DPP10: variants seen among roughly 807,000 people sequenced by gnomAD.
DPP10 encodes the protein inactive dipeptidyl peptidase 10.
Under a neutral mutation model 120.9 loss-of-function variants are expected in DPP10, and 33 were observed. The ratio of observed to expected loss-of-function variants is 0.27; its 90% CI spans 0.21 to 0.37. The LOEUF (loss-of-function observed/expected upper bound fraction) is 0.37. Ranked by LOEUF, DPP10 falls within the 10% of genes least tolerant of loss-of-function variation. The probability of loss-of-function intolerance (pLI) is 1.00; values close to 1 mark genes in which losing one functional copy is unlikely to be tolerated. For missense variants in DPP10, 816 were observed against 942.8 expected (o/e 0.87, Z 1.76); for synonymous variants, 337 against 326.1 (o/e 1.03, Z -0.36).
intron 1 of DPP10, among the ~76,000 whole-genome samples, chr2:114,568,206 G>C (rs991290229): frequency 6.6e-6 from 1 of 151,868 alleles, no homozygotes; most frequent in Non-Finnish European, 1.5e-5. Flanking sequence ...TATTTATGGG[G>C]GCACATGTGA....
intron 1 of DPP10, among the ~76,000 whole-genome samples, chr2:115,184,167 G>GGCCT (rs1445248166): frequency 6.6e-6 from 1 of 152,126 alleles, no homozygotes; most frequent in Non-Finnish European, 1.5e-5. Context: ...CACAAGGTAG[G>GGCCT]GCCTGATCCT....
At chr2:114,713,765 C>T (rs558444316) in intron 1 of DPP10, among the ~76,000 whole-genome samples, 11 of 151,944 alleles carry the variant, frequency 7.2e-5, no homozygotes, top group East Asian at 5.8e-4. Context: ...CAGAGGTGGG[C>T]GGATCACCTG....
intron 1 of DPP10, among the ~76,000 whole-genome samples, chr2:115,091,472 A>AGTTTTTTT (rs1416005511): frequency 6.6e-6 from 1 of 152,092 alleles, no homozygotes; most frequent in Non-Finnish European, 1.5e-5. Flanking sequence ...GTTTGAAGTT[A>AGTTTTTTT]GTTTTTTTGT....
rs187502396 is a variant in DPP10 at position 115,381,088 on chromosome 2, G to T, written c.271+37176G>T. Among the ~76,000 whole-genome samples, 722 of 152,240 alleles carry T rather than the reference G, an allele frequency of 4.7e-3. 8 individuals are homozygous for T. Among genetic ancestry groups the T allele is most frequent in the African/African-American group, 0.016 (649 of 41,530 alleles). On this transcript the variant is annotated intron_variant, in intron 3 of 25. Transcript: ENST00000410059. ...GGCATTCTCTGTATTTCCTGAATCT[G>T]AATGTTGGCCTGCCTTGCTAAATTG... is the stretch of plus-strand genomic sequence containing the variant.
At chr2:114,987,642 C>G (rs1222747120) in intron 1 of DPP10, among the ~76,000 whole-genome samples, 2 of 151,964 alleles carry the variant, frequency 1.3e-5, no homozygotes, top group Non-Finnish European at 2.9e-5. Context: ...CTCTTACTTT[C>G]GAATGGAAAT....
chr2:114,504,355 TC>T lies in DPP10; in HGVS notation c.60+61519del, dbSNP rs1381383173. On this transcript the variant is annotated intron_variant, in intron 1 of 25. Coordinates refer to ENST00000410059, the MANE Select transcript of DPP10 (RefSeq NM_020868.6). ...AGTTTTCTATTGCTCTTGTGTATAA[TC>T]CACTTTTCTCTTTCTGGATTTGAAG... Among the ~76,000 whole-genome samples the T allele has an allele frequency of 2.0e-5, 3 of 152,324 alleles. No homozygotes were observed. In the East Asian group the frequency reaches 5.8e-4, roughly 29 times the overall value.
intron 1 of DPP10, among the ~76,000 whole-genome samples, chr2:114,573,441 A>G (rs1166307059): frequency 6.6e-6 from 1 of 152,212 alleles, no homozygotes; most frequent in Non-Finnish European, 1.5e-5. Flanking sequence ...GGGGATTTGG[A>G]AAGATGATCC....
intron 1 of DPP10, among the ~76,000 whole-genome samples, chr2:114,624,654 G>C (rs1310624461): frequency 6.6e-6 from 1 of 151,866 alleles, no homozygotes; most frequent in Non-Finnish European, 1.5e-5. Context: ...ATGGTGATAA[G>C]TATATAAGAT....
At chr2:115,574,189 A>G (rs935937614) in intron 5 of DPP10, among the ~76,000 whole-genome samples, 2 of 152,046 alleles carry the variant, frequency 1.3e-5, no homozygotes, top group South Asian at 4.2e-4. Context: ...TTTCAGGATT[A>G]ATTAGCCCTC....
chr2:114,557,999 A>G (rs945067150), intron 1 of DPP10, among the ~76,000 whole-genome samples: 1 of 152,180 alleles, frequency 6.6e-6, no homozygotes, highest in African/African-American at 2.4e-5. Context: ...GGCACAGAAC[A>G]TCTTTCTGAG....
At chr2:115,620,625 T>G (rs34486885) in intron 5 of DPP10, among the ~76,000 whole-genome samples, 71,239 of 152,102 alleles carry the variant, frequency 0.47, 20,443 homozygotes, top group Non-Finnish European at 0.65. Context: ...TTCTGTCCAT[T>G]AACTTAAAAG....
chr2:114,767,207 C>CAAAAAAAAAAAA (rs5833559), intron 1 of DPP10, among the ~76,000 whole-genome samples: 2 of 33,060 alleles, frequency 6.0e-5, no homozygotes, highest in African/African-American at 1.2e-4. Flanking sequence ...AGGATAAAAG[C>CAAAAAAAAAAAA]AAAAAAAAAA....
chr2:114,871,893 A>G (rs1690716875), intron 1 of DPP10, among the ~76,000 whole-genome samples: 1 of 152,184 alleles, frequency 6.6e-6, no homozygotes, highest in Non-Finnish European at 1.5e-5. Context: ...CAGCGGCATT[A>G]GATTCTCATA....
intron 1 of DPP10, among the ~76,000 whole-genome samples, chr2:115,050,658 AG>A (rs1705403086): frequency 6.6e-6 from 1 of 152,202 alleles, no homozygotes. Flanking sequence ...GGGAATCCAG[AG>A]GGCCACACGT....
chr2:114,886,438 G>A (rs567410115), intron 1 of DPP10, among the ~76,000 whole-genome samples: 1 of 152,048 alleles, frequency 6.6e-6, no homozygotes, highest in African/African-American at 2.4e-5. Context: ...TTATCGATAT[G>A]ATGATATTTT....
At chr2:115,611,192 A>G (rs2149251050) in intron 5 of DPP10, among the ~76,000 whole-genome samples, 1 of 152,366 alleles carries the variant, frequency 6.6e-6, no homozygotes. Context: ...AGTGAAATGT[A>G]AAATGATTTT....
chr2:115,158,085 G>A (rs2052042313), intron 1 of DPP10, among the ~76,000 whole-genome samples: 1 of 152,184 alleles, frequency 6.6e-6, no homozygotes, highest in Non-Finnish European at 1.5e-5. Flanking sequence ...CATATCAGCT[G>A]TTAGCTAGAC....
rs577216513 is a variant in DPP10 at position 114,932,929 on chromosome 2, T to C, written c.61-376310T>C. Among the ~76,000 whole-genome samples, 68 of 152,266 alleles carry C rather than the reference T, an allele frequency of 4.5e-4. 1 individual carries two copies. In the South Asian group the frequency reaches 7.3e-3, roughly 16 times the overall value. Reference sequence around the variant, plus strand: ...TCCATCACCTAACCCGGGGCAATCATTTGTGTGGCCTTATCTATCTTTAAG... The same window carrying C: ...TCCATCACCTAACCCGGGGCAATCACTTGTGTGGCCTTATCTATCTTTAAG... On this transcript the variant is annotated intron_variant, in intron 1 of 25. Transcript: ENST00000410059.
rs1338403315 is a variant in DPP10, at chr2:114,511,206, A to G, written c.60+68368A>G. ...ATAGTTCTAAAGCATACTACTTTAC[A>G]CTCTGCATACAAAATATATTAGTTG... is the stretch of plus-strand genomic sequence containing the variant. On this transcript the variant is annotated intron_variant, in intron 1 of 25. Coordinates refer to ENST00000410059, the MANE Select transcript of DPP10 (RefSeq NM_020868.6). Among the ~76,000 whole-genome samples the G allele has an allele frequency of 3.3e-5, 5 of 152,362 alleles. No homozygotes were observed. In the East Asian group the frequency reaches 5.8e-4, roughly 18 times the overall value.
Sources: gnomAD v4.1 joint callset for allele counts (sites outside exome capture counted in the v4.1 genomes callset) on GRCh38, gnomAD v4.1.1 for gene constraint, MANE v1.5 for transcripts, NCBI Gene and HGNC (gene_info 2026-07-23, HGNC 2026-07-21) for gene names.